Variants in HRNR observed in about 807,000 individuals in gnomAD.
The protein encoded by HRNR is hornerin, also known as filaggrin family member 3.
HRNR carries 7 observed loss-of-function variants against 4.8 expected under a neutral mutation model. The observed-to-expected ratio is 1.47, with a 90% CI of 0.83 to 2.75. The LOEUF is 2.75. Ranked by LOEUF, HRNR falls within the 30% of genes most tolerant of loss-of-function variation. HRNR has a pLI of 0.00. For missense variants in HRNR, 2,879 were observed against 3,010.4 expected (o/e 0.96, Z 1.02); for synonymous variants, 1,023 against 1,242.7 (o/e 0.82, Z 3.72).
At chr1:152,223,023 A>G (rs1403915773) in intron 2 of HRNR, 93 bp downstream of exon 2, 13 of 1,303,088 alleles carry the variant, frequency 1.0e-5, no homozygotes, top group East Asian at 7.0e-5. Flanking sequence ...AGTAAGGACA[A>G]TCCTCTAGGA....
Position 152,219,182 on chromosome 1 carries a change from C to G in HRNR, c.2447G>C (p.Gly816Ala), listed in dbSNP as rs142633454. ...HYESGSGQAS[G>A]FGQHESGSGQ... ...TGAGCCAGACTCGTGTTGCCCAAAA[C>G]CAGAAGCCTGGCCTGAGCCAGACTC... Residue 816 changes from glycine (G) to alanine (A), a missense_variant, in exon 3 of 3, where the codon GGT (glycine) becomes GCT (alanine). By Grantham distance (60) the Gly-to-Ala change is moderately conservative (BLOSUM62 0). Coordinates refer to ENST00000368801, the MANE Select transcript of HRNR (RefSeq NM_001009931.3). The G allele has an allele frequency of 5.0e-6, 8 of 1,613,986 alleles. No homozygotes were observed. The highest frequency in any genetic ancestry group is 4.4e-5 in the South Asian group (4 of 91,082).
chr1:152,221,585 G>C lies in HRNR; in HGVS notation c.139-95C>G, dbSNP rs186915736. On this transcript the variant is annotated intron_variant, in intron 2 of 2. Coordinates refer to ENST00000368801, the MANE Select transcript of HRNR (RefSeq NM_001009931.3). Reference sequence around the variant, plus strand: ...GAAAGATGTGAAAATGTAAATGTTTGGGTTATTTATATGGAACTCATTCAC... The same window carrying C: ...GAAAGATGTGAAAATGTAAATGTTTCGGTTATTTATATGGAACTCATTCAC... 7.1e-6 allele frequency: 7 copies of C among 991,180 alleles called. No homozygotes were observed. The Admixed American group carries it at 1.7e-4, about 24-fold the overall frequency. The allele number at this position is 991,180 out of a possible 1,614,324, so 61.4% of individuals were successfully genotyped here.
rs765326784 is a variant in HRNR, at chr1:152,220,640, C to G, written c.989G>C (p.Ser330Thr). Residue 330 changes from serine to threonine, a missense_variant, in exon 3 of 3, where the codon AGT (serine) becomes ACT (threonine). Coordinates refer to ENST00000368801, the MANE Select transcript of HRNR (RefSeq NM_001009931.3). ...SSHGQHGSGS[S>T]YSYSRGHYES... Reference sequence around the variant, plus strand: ...ATAATGGCCACGGCTGTAAGAGTAACTTGAGCCAGACCCGTGTTGGCCGTG... The same window carrying G: ...ATAATGGCCACGGCTGTAAGAGTAAGTTGAGCCAGACCCGTGTTGGCCGTG... 3.1e-6 allele frequency: 5 copies of G among 1,612,364 alleles called. No individual in the cohort carries two copies. Among genetic ancestry groups the G allele is most frequent in the Non-Finnish European group, 4.2e-6 (5 of 1,179,044 alleles).
At position 152,218,400 on chromosome 1, in the gene HRNR, C is replaced by T. The variant is rs540716029; in HGVS notation, c.3229G>A (p.Gly1077Arg). 138 of 1,613,010 alleles carry T rather than the reference C, an allele frequency of 8.6e-5. No homozygotes were observed. The highest frequency in any genetic ancestry group is 1.0e-4 in the Non-Finnish European group (123 of 1,180,000). Reference protein sequence around the residue: ...GSSSGHSSTHGQHGSTSGQSS... With the variant: ...GSSSGHSSTHRQHGSTSGQSS... ...TGTCCTGATGTAGAACCGTGTTGCC[C>T]ATGGGTAGAGGAATGACCTGAGCTA... Residue 1077 changes from glycine to arginine, a missense_variant, in exon 3 of 3, where the codon GGG (glycine) becomes AGG (arginine). By Grantham distance (125) the Gly-to-Arg change is moderately radical. Around this residue, in one of 8 missense-constraint regions of HRNR, gnomAD observed 2,646 missense variants for 1,377.7 expected, o/e 1.92. Transcript: ENST00000368801.
chr1:152,221,113 G>A lies in HRNR; in HGVS notation c.516C>T (p.Tyr172=), dbSNP rs753899424. 56 of 1,614,116 alleles carry A rather than the reference G, an allele frequency of 3.5e-5. No homozygotes were observed. In the South Asian group the frequency reaches 5.6e-4, roughly 16 times the overall value. Residue 172 remains tyrosine (Y), a synonymous_variant, in exon 3 of 3, where the codon TAC becomes TAT. Coordinates refer to ENST00000368801, the MANE Select transcript of HRNR (RefSeq NM_001009931.3). ...CACCATAGCTGGAAGACTGACCTGA[G>A]TAGGAGTTATGTTGGCCAGAAAAGT... ...QRDFSGQHNS[Y]SGQSSSYGEQ...
At position 152,215,928 on chromosome 1, in the gene HRNR, C is replaced by A. The variant is rs754424557; in HGVS notation, c.5701G>T (p.Gly1901Cys). 6.2e-7 allele frequency: 1 copy of A among 1,609,688 alleles called. No homozygotes were observed. Among genetic ancestry groups the A allele is most frequent in the African/African-American group, 1.4e-5 (1 of 72,284 alleles). ...SGHSSSYEQH[G>C]SRSGQSSRGE... The stretch of plus-strand genomic sequence containing the variant: ...CTAGATGACTGTCCTGACCTAGAGC[C>A]GTGTTGTTCGTAGCTGGAGGAGTGA... The change falls in exon 3 of 3, where the codon GGC (glycine) becomes TGC (cysteine). Residue 1901 changes from glycine to cysteine, a missense_variant. Physicochemically the swap from Gly to Cys is radical, Grantham distance 159. This residue lies in a region of HRNR where 5 missense variants were observed against 621.9 expected (regional missense o/e 0.01). Transcript: ENST00000368801.
intron 2 of HRNR, 118 bp from the exon 3 acceptor site, chr1:152,221,608 C>T: frequency 1.4e-6 from 1 of 730,940 alleles, no homozygotes. Context: ...GGAACTCATT[C>T]ACACAGTCCT....
Position 152,221,341 on chromosome 1 carries a change from A to T in HRNR, c.288T>A (p.Val96=). 6.2e-7 allele frequency: 1 copy of T among 1,613,992 alleles called. No individual in the cohort carries two copies. Among genetic ancestry groups the T allele is most frequent in the Non-Finnish European group, 8.5e-7 (1 of 1,180,038 alleles). The change falls in exon 3 of 3, where the codon GTT becomes GTA. Residue 96 remains valine (V), a synonymous_variant. Transcript: ENST00000368801. ...TGTCATCTCTCAGCTTTGACCCTGA[A>T]ACTTGGCAGTAATCTTTGCCAATGA... ...NKIIGKDYCQ[V]SGSKLRDDTH...
In HRNR at chr1:152,218,503, A is replaced by G. The variant is rs777537976; in HGVS notation, c.3126T>C (p.Ser1042=). 3.1e-6 allele frequency: 5 copies of G among 1,613,814 alleles called. No individual in the cohort carries two copies. The South Asian group carries it at 5.5e-5, about 18-fold the overall frequency. The change falls in exon 3 of 3, where the codon TCT becomes TCC. Residue 1042 remains serine (S), a synonymous_variant. Coordinates refer to ENST00000368801, the MANE Select transcript of HRNR (RefSeq NM_001009931.3). ...CTAAGCCAGAAGAGTGACCGGAGCC[A>G]GACTCATATGGGCCACGGCTTGAAG... ...GWSSSRGPYE[S]GSGHSSGLGH...
rs1447239181 is a variant in HRNR at position 152,219,947 on chromosome 1, T to C, written c.1682A>G (p.His561Arg). ...GSRQSSSYGP[H>R]GYGSGRSSSR... ...TGAAGACCTCCCTGAGCCATACCCATGTGGGCCATAGCTGGAAGACTGCCT... is the reference window on the plus strand; with the variant it reads ...TGAAGACCTCCCTGAGCCATACCCACGTGGGCCATAGCTGGAAGACTGCCT... Residue 561 changes from histidine (H) to arginine (R), a missense_variant, in exon 3 of 3, where the codon CAT becomes CGT. By Grantham distance (29) the His-to-Arg change is conservative. This residue lies in a region of HRNR where 2,646 missense variants were observed against 1,377.7 expected (regional missense o/e 1.92). Coordinates refer to ENST00000368801, the MANE Select transcript of HRNR (RefSeq NM_001009931.3). 6.2e-6 allele frequency: 10 copies of C among 1,612,562 alleles called. No homozygotes were observed. The highest frequency in any genetic ancestry group is 1.7e-5 in the Admixed American group (1 of 59,900).
rs1648439200 is a variant in HRNR at position 152,212,913 on chromosome 1, G to C, written c.*163C>G. 5.3e-6 allele frequency: 5 copies of C among 949,314 alleles called. No homozygotes were observed. In the African/African-American group the frequency reaches 6.7e-5, roughly 13 times the overall value. The allele number at this position is 949,314 out of a possible 1,614,324, so 58.8% of individuals were successfully genotyped here. On this transcript the variant is annotated 3_prime_UTR_variant, in exon 3 of 3. Transcript: ENST00000368801. ...GTCTTTGGAAGGAACCCCATAACAAGATATATGCTACAGTTTTAGGCTCTA... is the reference window on the plus strand; with the variant it reads ...GTCTTTGGAAGGAACCCCATAACAACATATATGCTACAGTTTTAGGCTCTA...
Position 152,219,645 on chromosome 1 carries a change from G to C in HRNR, c.1984C>G (p.Arg662Gly), listed in dbSNP as rs145811541. ...CCAAAATCGGACCCATGTCGGCCGC[G>C]ACTAGGAGACTGGCCAGATCCAGAG... ...QGSGSGQSPS[R>G]GRHGSDFGHS... The change falls in exon 3 of 3, where the codon CGC becomes GGC. Residue 662 changes from arginine to glycine, a missense_variant. This residue lies in a region of HRNR where 2,646 missense variants were observed against 1,377.7 expected (regional missense o/e 1.92). Transcript: ENST00000368801. 4.3e-6 allele frequency: 7 copies of C among 1,612,968 alleles called. No individual in the cohort carries two copies. Among genetic ancestry groups the C allele is most frequent in the Non-Finnish European group, 5.9e-6 (7 of 1,179,370 alleles).
rs41266130 is a variant in HRNR, at chr1:152,218,764, G to A, written c.2865C>T (p.Ser955=). 6.2e-6 allele frequency: 10 copies of A among 1,613,494 alleles called. No homozygotes were observed. Among genetic ancestry groups the A allele is most frequent in the East Asian group, 2.2e-5 (1 of 44,782 alleles). Reference sequence around the variant, plus strand: ...ACCTAGAGCCGTGTTGTTCGTAGCTGGAGGAGTGACCTGAGCCAGATCCAT... The same window carrying A: ...ACCTAGAGCCGTGTTGTTCGTAGCTAGAGGAGTGACCTGAGCCAGATCCAT... The part of the protein sequence containing the change: ...TQHGSGSGHS[S]SYEQHGSRSG... Residue 955 remains serine (S), a synonymous_variant, in exon 3 of 3, where the codon TCC becomes TCT. Transcript: ENST00000368801.
rs1350089039 is a variant in HRNR, at chr1:152,218,506, C to A, written c.3123G>T (p.Glu1041Asp). 6 of 1,613,560 alleles carry A rather than the reference C, an allele frequency of 3.7e-6. No homozygotes were observed. The highest frequency in any genetic ancestry group is 1.7e-5 in the Admixed American group (1 of 59,970). ...SGWSSSRGPY[E>D]SGSGHSSGLG... is the part of the protein sequence containing the mutation. ...AGCCAGAAGAGTGACCGGAGCCAGA[C>A]TCATATGGGCCACGGCTTGAAGACC... Residue 1041 changes from glutamate to aspartate, a missense_variant, in exon 3 of 3, where the codon GAG (glutamate) becomes GAT (aspartate). Physicochemically the swap from Glu to Asp is conservative, Grantham distance 45. This residue lies in a region of HRNR where 2,646 missense variants were observed against 1,377.7 expected (regional missense o/e 1.92). Coordinates refer to ENST00000368801, the MANE Select transcript of HRNR (RefSeq NM_001009931.3).
rs1256403848 is a variant in HRNR, at chr1:152,212,171, A to G, written c.*905T>C. The G allele has an allele frequency of 3.3e-5, 5 of 152,188 alleles. No individual in the cohort carries two copies. Among genetic ancestry groups the G allele is most frequent in the African/African-American group, 1.2e-4 (5 of 41,446 alleles). 9.4% of individuals were successfully genotyped at this position (152,188 alleles called of 1,614,324 possible). On this transcript the variant is annotated 3_prime_UTR_variant, in exon 3 of 3. Transcript: ENST00000368801. Reference sequence around the variant, plus strand: ...AAATGTGTTACAGTCAAATTAAGGAACTATGTAGCAGTGACAGATACTCTT... The same window carrying G: ...AAATGTGTTACAGTCAAATTAAGGAGCTATGTAGCAGTGACAGATACTCTT...
chr1:152,221,693 A>G (rs190160070), intron 2 of HRNR, among the ~76,000 whole-genome samples: 1 of 152,362 alleles, frequency 6.6e-6, no homozygotes, highest in East Asian at 1.9e-4. Flanking sequence ...GGAAACAGCT[A>G]GAATAGGATG....
At position 152,220,992 on chromosome 1, in the gene HRNR, C is replaced by T. The variant is rs374023812; in HGVS notation, c.637G>A (p.Gly213Arg). The T allele has an allele frequency of 2.9e-5, 46 of 1,613,860 alleles. No homozygotes were observed. Among genetic ancestry groups the T allele is most frequent in the Middle Eastern group, 1.6e-4 (1 of 6,082 alleles). ...PNYGQHGSGS[G>R]QSSSNDTHGS... Reference sequence around the variant, plus strand: ...TGTGTGTCATTGCTGGAAGACTGTCCGGAGCCAGAGCCGTGTTGGCCATAG... The same window carrying T: ...TGTGTGTCATTGCTGGAAGACTGTCTGGAGCCAGAGCCGTGTTGGCCATAG... The change falls in exon 3 of 3, where the codon GGA (glycine) becomes AGA (arginine). Residue 213 changes from glycine to arginine, a missense_variant. Transcript: ENST00000368801.
At position 152,219,835 on chromosome 1, in the gene HRNR, A is replaced by T; in HGVS notation, c.1794T>A (p.Gly598=). 1.9e-6 allele frequency: 3 copies of T among 1,612,026 alleles called. No homozygotes were observed. The highest frequency in any genetic ancestry group is 1.3e-5 in the African/African-American group (1 of 74,892). ...AATGACCCGAGCTAGATCCGTGTTG[A>T]CCGTAGCCAGAGGACTGTCCTGAGC... ...ESRSGQSSGY[G]QHGSSSGHSS... The change falls in exon 3 of 3, where the codon GGT becomes GGA. Residue 598 remains glycine (G), a synonymous_variant. Transcript: ENST00000368801.
intron 2 of HRNR, among the ~76,000 whole-genome samples, chr1:152,222,277 G>T (rs1649026571): frequency 1.3e-5 from 2 of 152,186 alleles, no homozygotes; most frequent in African/African-American, 4.8e-5. Flanking sequence ...AATGTGGATA[G>T]AGAGACAAAT....
Sources: allele counts gnomAD v4.1 joint callset (sites outside exome capture counted in the v4.1 genomes callset), GRCh38; gene constraint gnomAD v4.1.1; regional missense constraint gnomAD v4.1.1; transcripts MANE v1.5; gene names NCBI Gene and HGNC (gene_info 2026-07-23, HGNC 2026-07-21).